The following SETD7 variants were observed in gnomAD, a reference collection of about 807,000 sequenced individuals.
SETD7 encodes the protein histone-lysine N-methyltransferase SETD7.
SETD7 carries 16 observed loss-of-function variants against 41.8 expected under a neutral mutation model. The observed-to-expected ratio is 0.38, with a 90% CI of 0.26 to 0.58. The LOEUF is 0.58. Ranked by LOEUF, SETD7 falls within the 20% of genes least tolerant of loss-of-function variation. SETD7 has a pLI of 0.64. For synonymous variants in SETD7, 163 were observed against 169.7 expected (o/e 0.96, Z 0.31); for missense variants, 346 against 459.7 (o/e 0.75, Z 2.26).
chr4:139,514,126 T>C (rs1400689637), intron 7 of SETD7, among the ~76,000 whole-genome samples: 1 of 151,942 alleles, frequency 6.6e-6, no homozygotes, highest in Non-Finnish European at 1.5e-5. Flanking sequence ...CTACCAAAAA[T>C]ACAAAAAATT....
Position 139,517,904 on chromosome 4 carries a change from G to A in SETD7, c.901C>T (p.Pro301Ser). 1 of 1,613,622 alleles carries A rather than the reference G, an allele frequency of 6.2e-7. No individual in the cohort carries two copies. The highest frequency in any genetic ancestry group is 2.2e-5 in the East Asian group (1 of 44,874). ...ACTTACATATCGTAGATGCAGTTTG[G>A]AGTGAAGGAGTGATTTGCCTTGTGT... ...LGHKANHSFT[P>S]NCIYDMFVHP... The change falls in exon 7 of 8, where the codon CCA becomes TCA. Residue 301 changes from proline (P) to serine (S), a missense_variant. Physicochemically the swap from Pro to Ser is moderately conservative, Grantham distance 74. This residue lies in a region of SETD7 where 266 missense variants were observed against 377.0 expected (regional missense o/e 0.71). Coordinates refer to ENST00000274031, the MANE Select transcript of SETD7 (RefSeq NM_030648.4).
In SETD7 at chr4:139,511,838, A is replaced by G. The variant is rs1241682497; in HGVS notation, c.926T>C (p.Val309Ala). 6.2e-7 allele frequency: 1 copy of G among 1,610,696 alleles called. No homozygotes were observed. Among genetic ancestry groups the G allele is most frequent in the Non-Finnish European group, 8.5e-7 (1 of 1,178,452 alleles). The change falls in exon 8 of 8, where the codon GTC becomes GCC. Residue 309 changes from valine (V) to alanine (A), a missense_variant. Coordinates refer to ENST00000274031, the MANE Select transcript of SETD7 (RefSeq NM_030648.4). ...FTPNCIYDMF[V>A]HPRFGPIKCI... The stretch of plus-strand genomic sequence containing the variant: ...TTTGATGGGCCCAAAACGGGGGTGG[A>G]CAAACCTAAACATCAAGATGCACAC...
At position 139,511,669 on chromosome 4, in the gene SETD7, T is replaced by C. The variant is rs776693347; in HGVS notation, c.1095A>G (p.Gln365=). The C allele has an allele frequency of 8.1e-6, 13 of 1,613,618 alleles. No homozygotes were observed. The highest frequency in any genetic ancestry group is 8.5e-6 in the Non-Finnish European group (10 of 1,179,888). Residue 365 remains glutamine (Q), a synonymous_variant, in exon 8 of 8, where the codon CAA becomes CAG. Transcript: ENST00000274031. ...VELKAFQATQ[Q]K Reference sequence around the variant, plus strand: ...AACCCCAAAGCCAGGCCTTTCACTTTTGCTGGGTGGCCTGGAAGGCCTTCA... The same window carrying C: ...AACCCCAAAGCCAGGCCTTTCACTTCTGCTGGGTGGCCTGGAAGGCCTTCA...
At chr4:139,539,105 C>G (rs1727716560) in intron 2 of SETD7, among the ~76,000 whole-genome samples, 1 of 152,156 alleles carries the variant, frequency 6.6e-6, no homozygotes, top group Non-Finnish European at 1.5e-5. Context: ...AGAGACTTAA[C>G]AGTTTTGGCT....
At chr4:139,496,435 C>G (rs936214163) in exon 8 of SETD7, 5 of 702,348 alleles carry the variant, frequency 7.1e-6, no homozygotes, top group Non-Finnish European at 1.3e-5. Flanking sequence ...GTGTTCTACC[C>G]AGGGCGCTTG....
Position 139,529,115 on chromosome 4 carries a change from T to C in SETD7, c.478A>G (p.Ile160Val), listed in dbSNP as rs149456418. ...DERTALYGKF[I>V]DGEMIEGKLA... is the part of the protein sequence containing the mutation. ...TTGCCTTCTATCATCTCTCCATCAA[T>C]AAATTTCCCATAAAGTGCGGTCCTC... Residue 160 changes from isoleucine to valine, a missense_variant, in exon 4 of 8, where the codon ATT (isoleucine) becomes GTT (valine). Physicochemically the swap from Ile to Val is conservative, Grantham distance 29. This residue lies in a region of SETD7 where 266 missense variants were observed against 377.0 expected (regional missense o/e 0.71). Transcript: ENST00000274031. The C allele has an allele frequency of 1.9e-5, 30 of 1,614,100 alleles. No individual in the cohort carries two copies. Among genetic ancestry groups the C allele is most frequent in the Middle Eastern group, 3.3e-4 (2 of 6,062 alleles).
At chr4:139,516,879 C>T (rs2725772) in intron 7 of SETD7, among the ~76,000 whole-genome samples, 115,916 of 152,020 alleles carry the variant, frequency 0.76, 45,780 homozygotes, top group East Asian at 0.96. Flanking sequence ...AAAATGAGAC[C>T]GCAGTGAGAT....
At chr4:139,504,067 G>T (rs1245722254), downstream of SETD7, among the ~76,000 whole-genome samples, 3 of 152,190 alleles carry the variant, frequency 2.0e-5, no homozygotes. Context: ...GAACTTGGTG[G>T]AGCTGCTGAA....
chr4:139,517,878 T>C lies in SETD7; in HGVS notation c.920+7A>G. On this transcript the variant is annotated splice_region_variant and intron_variant, in intron 7 of 7. Transcript: ENST00000274031. Reference sequence around the variant, plus strand: ...GATCCGCCCCAGCAGCTCTGGGTAATACTTACATATCGTAGATGCAGTTTG... The same window carrying C: ...GATCCGCCCCAGCAGCTCTGGGTAACACTTACATATCGTAGATGCAGTTTG... 1 of 1,612,236 alleles carries C rather than the reference T, an allele frequency of 6.2e-7. No homozygotes were observed.
chr4:139,507,782 T>C lies in SETD7; in HGVS notation c.*3881A>G, dbSNP rs1187958901. 1 of 152,466 alleles carries C rather than the reference T, an allele frequency of 6.6e-6. No individual in the cohort carries two copies. Among genetic ancestry groups the C allele is most frequent in the Non-Finnish European group, 1.5e-5 (1 of 68,010 alleles). 9.4% of individuals were successfully genotyped at this position (152,466 alleles called of 1,614,324 possible). A position where few individuals can be genotyped will look rare whatever the true frequency, so the allele number is the denominator to read the frequency against. On this transcript the variant is annotated 3_prime_UTR_variant, in exon 8 of 8. Transcript: ENST00000274031. ...GAAGGGAAAGATAAAAGAAAAACAA[T>C]AATAATCTATCAAGGTACCCCAAGT...
intron 7 of SETD7, among the ~76,000 whole-genome samples, chr4:139,515,347 A>T (rs753478559): frequency 5.3e-5 from 8 of 152,168 alleles, no homozygotes; most frequent in Non-Finnish European, 7.3e-5. Flanking sequence ...AACAAACAAC[A>T]ATAAACAAAA....
chr4:139,493,840 G>A (rs918199235), downstream of SETD7, among the ~76,000 whole-genome samples: 1 of 152,196 alleles, frequency 6.6e-6, no homozygotes, highest in Non-Finnish European at 1.5e-5. Context: ...GCGGCTGGCT[G>A]CTTTACTGTT....
chr4:139,497,561 TGAG>T (rs1166352717), intron 7 of SETD7, among the ~76,000 whole-genome samples: 1 of 152,072 alleles, frequency 6.6e-6, no homozygotes, highest in Non-Finnish European at 1.5e-5. Context: ...GAACATCAAC[TGAG>T]TTTTCATGTT....
At chr4:139,538,948 G>A (rs1018051223) in intron 2 of SETD7, among the ~76,000 whole-genome samples, 1 of 151,982 alleles carries the variant, frequency 6.6e-6, no homozygotes, top group African/African-American at 2.4e-5. Context: ...GTTAAATTTC[G>A]AGAAATCAGT....
At chr4:139,494,340 ATGTCCTGC>A (rs1726415955), downstream of SETD7, among the ~76,000 whole-genome samples, 1 of 152,182 alleles carries the variant, frequency 6.6e-6, no homozygotes. Context: ...CTGGTCACAC[ATGTCCTGC>A]TGTGTCTACT....
intron 1 of SETD7, among the ~76,000 whole-genome samples, chr4:139,553,898 T>A (rs932546407): frequency 3.6e-4 from 55 of 152,154 alleles, no homozygotes; most frequent in African/African-American, 1.3e-3. Flanking sequence ...GTGTTAGATG[T>A]TATGTAAAGA....
At chr4:139,496,656 C>T in intron 7 of SETD7, 2 of 607,758 alleles carry the variant, frequency 3.3e-6, no homozygotes, top group South Asian at 2.0e-5. Context: ...CTTCTCCATC[C>T]TCTCTTTTGC....
Position 139,518,144 on chromosome 4 carries a change from T to C in SETD7, c.763-102A>G. On this transcript the variant is annotated intron_variant, in intron 6 of 7. Transcript: ENST00000274031. ...ATTTATCTTATTATTATTTTTGTTT[T>C]TGAGACAGGGTCTCACTCTGTCACC... 5.3e-6 allele frequency: 7 copies of C among 1,309,286 alleles called. No individual in the cohort carries two copies. In the South Asian group the frequency reaches 1.2e-4, roughly 22 times the overall value. The allele number at this position is 1,309,286 out of a possible 1,614,324, so 81.1% of individuals were successfully genotyped here.
rs11353890 is a variant in SETD7, at chr4:139,526,436, A to ATTTT, written c.562+2591_562+2594dup. On this transcript the variant is annotated intron_variant, in intron 4 of 7. Coordinates refer to ENST00000274031, the MANE Select transcript of SETD7 (RefSeq NM_030648.4). ...AGACACATGCCACTATGCCCAGCTA[A>ATTTT]TTTTTTTTTTTTTTTTTTGTATTTT... Among the ~76,000 whole-genome samples the ATTTT allele has an allele frequency of 9.8e-5, 12 of 122,602 alleles. No individual in the cohort carries two copies. In the East Asian group the frequency reaches 1.4e-3, roughly 14 times the overall value. The allele number at this position is 122,602 out of a possible 152,430, so 80.4% of individuals were successfully genotyped here.
Sources: gnomAD v4.1 joint callset for allele counts (sites outside exome capture counted in the v4.1 genomes callset) on GRCh38, gnomAD v4.1.1 for gene constraint, gnomAD v4.1.1 regional missense constraint, MANE v1.5 for transcripts, NCBI Gene and HGNC (gene_info 2026-07-23, HGNC 2026-07-21) for gene names.